FLVCR2: variants seen among roughly 807,000 people sequenced by gnomAD.
The protein encoded by FLVCR2 is choline/ethanolamine transporter FLVCR2.
FLVCR2 carries 38 observed loss-of-function variants against 48.9 expected under a neutral mutation model. The ratio of observed to expected loss-of-function variants is 0.78; its 90% CI spans 0.60 to 1.02. The LOEUF (loss-of-function observed/expected upper bound fraction) is 1.02, where lower values mean the gene tolerates loss of function less well. Ranked by LOEUF, FLVCR2 falls within the 50% of genes least tolerant of loss-of-function variation. The probability of loss-of-function intolerance (pLI) is 0.00; values close to 1 mark genes in which losing one functional copy is unlikely to be tolerated. For missense variants in FLVCR2, 664 were observed against 663.3 expected (o/e 1.00, Z -0.01); for synonymous variants, 255 against 257.0 (o/e 0.99, Z 0.07).
chr14:75,620,402 T>C (rs967996068), intron 1 of FLVCR2, among the ~76,000 whole-genome samples: 2 of 152,224 alleles, frequency 1.3e-5, no homozygotes, highest in African/African-American at 4.8e-5. Context: ...GCTAGAACTC[T>C]GGGTGACCCT....
intron 1 of FLVCR2, among the ~76,000 whole-genome samples, chr14:75,598,957 C>T (rs952846236): frequency 6.6e-6 from 1 of 152,220 alleles, no homozygotes; most frequent in Non-Finnish European, 1.5e-5. Flanking sequence ...ATACTATCTC[C>T]TTGGGTTATA....
At chr14:75,594,949 C>T (rs909374132) in intron 1 of FLVCR2, among the ~76,000 whole-genome samples, 38 of 152,176 alleles carry the variant, frequency 2.5e-4, no homozygotes, top group African/African-American at 9.2e-4. Context: ...AACTTCTGGG[C>T]TCAAGAGTTC....
chr14:75,621,174 G>A (rs1012759197), intron 1 of FLVCR2, among the ~76,000 whole-genome samples: 18 of 152,128 alleles, frequency 1.2e-4, no homozygotes, highest in African/African-American at 3.9e-4. Context: ...AGCACTTTGG[G>A]AGGCCAAGAC....
Position 75,580,719 on chromosome 14 carries a change from T to C in FLVCR2, c.669+1078T>C, listed in dbSNP as rs185823017. Among the ~76,000 whole-genome samples the C allele has an allele frequency of 9.4e-4, 143 of 152,248 alleles. 3 individuals carry two copies. Among genetic ancestry groups the C allele is most frequent in the Non-Finnish European group, 8.2e-4 (56 of 68,016 alleles). On this transcript the variant is annotated intron_variant, in intron 1 of 9. Coordinates refer to ENST00000238667, the MANE Select transcript of FLVCR2 (RefSeq NM_017791.3). ...AGTACATTCTCAAGGGTGGGGAGAATTACAAAGAGCCTTCTTAAGGGTGGG... is the reference window on the plus strand; with the variant it reads ...AGTACATTCTCAAGGGTGGGGAGAACTACAAAGAGCCTTCTTAAGGGTGGG...
In FLVCR2 at chr14:75,579,532, G is replaced by T; in HGVS notation, c.560G>T (p.Cys187Phe). The change falls in exon 1 of 10, where the codon TGC becomes TTC. Residue 187 changes from cysteine (C) to phenylalanine (F), a missense_variant. Physicochemically the swap from Cys to Phe is radical, Grantham distance 205 (BLOSUM62 -2). Transcript: ENST00000238667. Reference sequence around the variant, plus strand: ...GTCACCGTGGTGGGCCAGCTCATCTGCTCTGTGGCCCAGGTTTTCATCCTG... The same window carrying T: ...GTCACCGTGGTGGGCCAGCTCATCTTCTCTGTGGCCCAGGTTTTCATCCTG... ...FPVTVVGQLI[C>F]SVAQVFILGM... 1 of 1,613,734 alleles carries T rather than the reference G, an allele frequency of 6.2e-7. No individual in the cohort carries two copies. Among genetic ancestry groups the T allele is most frequent in the Non-Finnish European group, 8.5e-7 (1 of 1,179,858 alleles).
At chr14:75,639,075 C>T (rs192230778) in intron 5 of FLVCR2, among the ~76,000 whole-genome samples, 16 of 152,224 alleles carry the variant, frequency 1.1e-4, no homozygotes, top group East Asian at 3.9e-4. Flanking sequence ...ATTAGCCAGG[C>T]GTGATGCGCA....
chr14:75,580,094 G>C (rs925784729), intron 1 of FLVCR2, among the ~76,000 whole-genome samples: 1 of 152,206 alleles, frequency 6.6e-6, no homozygotes, highest in South Asian at 2.1e-4. Context: ...GCCTGGTGGT[G>C]TTTGGCACTG....
chr14:75,642,838 T>C (rs1890333252), intron 9 of FLVCR2, among the ~76,000 whole-genome samples: 1 of 152,206 alleles, frequency 6.6e-6, no homozygotes, highest in African/African-American at 2.4e-5. Context: ...TTGCAAGCAC[T>C]TTATCAGGCA....
chr14:75,602,234 C>T lies in FLVCR2; in HGVS notation c.670-19845C>T, dbSNP rs999639595. 2.6e-5 allele frequency among the ~76,000 whole-genome samples: 4 copies of T among 152,216 alleles called. No homozygotes were observed. The South Asian group carries it at 8.3e-4, about 32-fold the overall frequency. ...CACGGTCTCTAGCCCCCTCCCCTCC[C>T]CTCCCCTCCCTGGAGTGGGTAGGGG... On this transcript the variant is annotated intron_variant, in intron 1 of 9. Coordinates refer to ENST00000238667, the MANE Select transcript of FLVCR2 (RefSeq NM_017791.3).
At chr14:75,591,079 T>C (rs1888866162) in intron 1 of FLVCR2, among the ~76,000 whole-genome samples, 1 of 152,244 alleles carries the variant, frequency 6.6e-6, no homozygotes, top group African/African-American at 2.4e-5. Context: ...GGTCTTGCTC[T>C]TTCACCCAGG....
At chr14:75,622,754 T>C (rs1889797212) in intron 2 of FLVCR2, among the ~76,000 whole-genome samples, 1 of 151,772 alleles carries the variant, frequency 6.6e-6, no homozygotes, top group Non-Finnish European at 1.5e-5. Context: ...AAAACTGAAA[T>C]TGATCCATAA....
intron 1 of FLVCR2, among the ~76,000 whole-genome samples, chr14:75,591,242 C>T (rs140083873): frequency 2.2e-3 from 339 of 152,294 alleles, no homozygotes; most frequent in African/African-American, 7.8e-3. Flanking sequence ...GGAGTTTCGC[C>T]ATGTTGCCCA....
intron 1 of FLVCR2, among the ~76,000 whole-genome samples, chr14:75,595,547 T>G (rs1016486384): frequency 6.6e-6 from 1 of 152,212 alleles, no homozygotes; most frequent in African/African-American, 2.4e-5. Context: ...TTGGGTATGT[T>G]GCAGTCCAGG....
At chr14:75,634,559 A>G (rs1034508897) in intron 4 of FLVCR2, among the ~76,000 whole-genome samples, 1 of 152,228 alleles carries the variant, frequency 6.6e-6, no homozygotes, top group Non-Finnish European at 1.5e-5. Flanking sequence ...TTTAACATAT[A>G]TATTTTAAAT....
At chr14:75,638,409 C>A (rs971846492) in intron 5 of FLVCR2, among the ~76,000 whole-genome samples, 1 of 151,948 alleles carries the variant, frequency 6.6e-6, no homozygotes, top group Admixed American at 6.6e-5. Flanking sequence ...TGCACCCCAG[C>A]CTGTGCGACA....
intron 1 of FLVCR2, among the ~76,000 whole-genome samples, chr14:75,620,734 A>G (rs1889742532): frequency 6.6e-6 from 1 of 152,244 alleles, no homozygotes; most frequent in Non-Finnish European, 1.5e-5. Flanking sequence ...CACAGCAACT[A>G]TGAGTGACCA....
rs1020081840 is a variant in FLVCR2, at chr14:75,580,924, T to C, written c.669+1283T>C. On this transcript the variant is annotated intron_variant, in intron 1 of 9. Transcript: ENST00000238667. ...ATGGCTTAGCTTGGGCTCAGAGGCC[T>C]GACATTCCTGTCTTCTTATATTAAT... is the stretch of plus-strand genomic sequence containing the variant. Among the ~76,000 whole-genome samples the C allele has an allele frequency of 7.2e-4, 110 of 152,344 alleles. 1 individual carries two copies. Among genetic ancestry groups the C allele is most frequent in the Non-Finnish European group, 5.1e-4 (35 of 68,028 alleles).
intron 9 of FLVCR2, among the ~76,000 whole-genome samples, chr14:75,643,433 GC>G (rs1890349714): frequency 6.6e-6 from 1 of 152,116 alleles, no homozygotes; most frequent in African/African-American, 2.4e-5. Context: ...AATTTCTATT[GC>G]TAGGCAGTCA....
At chr14:75,605,653 C>A in intron 1 of FLVCR2, 1 of 1,533,552 alleles carries the variant, frequency 6.5e-7, no homozygotes, top group Non-Finnish European at 8.7e-7. Context: ...TCCTTCCCAA[C>A]TTCTTTGGGT....
Sources: allele counts gnomAD v4.1 joint callset (sites outside exome capture counted in the v4.1 genomes callset), GRCh38; gene constraint gnomAD v4.1.1; transcripts MANE v1.5; gene names NCBI Gene and HGNC (gene_info 2026-07-23, HGNC 2026-07-21).